Variants in WASF3 observed in about 807,000 individuals in gnomAD.
The protein encoded by WASF3 is actin-binding protein WASF3.
In WASF3, 11 loss-of-function variants were observed where a neutral mutation model predicts 46.6. That is an observed-to-expected ratio of 0.24 (90% CI 0.15 to 0.39). WASF3 has a LOEUF of 0.39. Among genes scored for constraint, WASF3 ranks in the 10% least tolerant of loss-of-function variants. The probability of loss-of-function intolerance (pLI) is 1.00; values close to 1 mark genes in which losing one functional copy is unlikely to be tolerated. For synonymous variants in WASF3, 242 were observed against 259.7 expected (o/e 0.93, Z 0.65); for missense variants, 576 against 669.8 (o/e 0.86, Z 1.55).
At chr13:26,675,874 A>G (rs1883054899) in intron 6 of WASF3, among the ~76,000 whole-genome samples, 1 of 152,162 alleles carries the variant, frequency 6.6e-6, no homozygotes, top group African/African-American at 2.4e-5. Flanking sequence ...CTTAAAGATC[A>G]TAAAATTTTG....
intron 2 of WASF3, among the ~76,000 whole-genome samples, chr13:26,626,965 C>T (rs1414799967): frequency 1.3e-5 from 2 of 152,270 alleles, no homozygotes; most frequent in South Asian, 2.1e-4. Context: ...GTAAAATTCG[C>T]TACCCAGTTT....
Position 26,664,746 on chromosome 13 carries a change from C to T in WASF3, c.134-282C>T, listed in dbSNP as rs139215614. Among the ~76,000 whole-genome samples, 851 of 152,322 alleles carry T rather than the reference C, an allele frequency of 5.6e-3. 13 individuals carry two copies. The highest frequency in any genetic ancestry group is 0.02 in the African/African-American group (813 of 41,574). On this transcript the variant is annotated intron_variant, in intron 3 of 9. Transcript: ENST00000335327. ...GCGTGAAAAATGAGAACTTAAGTTG[C>T]AGTTAGTGGGAAGCAACTTGAGCGA...
intron 1 of WASF3, among the ~76,000 whole-genome samples, chr13:26,581,852 T>G (rs183111432): frequency 6.6e-6 from 1 of 152,352 alleles, no homozygotes; most frequent in African/African-American, 2.4e-5. Flanking sequence ...AGCCTTTGCT[T>G]TGGCATAGAA....
At chr13:26,555,805 T>G (rs1053736880), upstream of WASF3, among the ~76,000 whole-genome samples, 2 of 152,206 alleles carry the variant, frequency 1.3e-5, no homozygotes, top group Non-Finnish European at 2.9e-5. Context: ...TCCTATTTAG[T>G]AGGCACTTTT....
chr13:26,554,033 CTCT>C (rs1227183217), upstream of WASF3, among the ~76,000 whole-genome samples: 3,622 of 80,144 alleles, frequency 0.045, 791 homozygotes, highest in East Asian at 0.079. Context: ...TTCCTTCTTT[CTCT>C]TTCTTTCCTT....
At position 26,610,146 on chromosome 13, in the gene WASF3, A is replaced by G. The variant is rs189214879; in HGVS notation, c.-108-2815A>G. 4.6e-3 allele frequency among the ~76,000 whole-genome samples: 694 copies of G among 152,118 alleles called. 19 individuals carry two copies. Among genetic ancestry groups the G allele is most frequent in the Admixed American group, 0.039 (601 of 15,286 alleles). On this transcript the variant is annotated intron_variant, in intron 1 of 9. Coordinates refer to ENST00000335327, the MANE Select transcript of WASF3 (RefSeq NM_006646.6). ...TGACTCCAGGGGAGTCAGCATCCCC[A>G]TCCCCATCCACTTAATCTTCCGAGA...
At chr13:26,659,663 C>G (rs1279862584) in intron 3 of WASF3, among the ~76,000 whole-genome samples, 2 of 152,026 alleles carry the variant, frequency 1.3e-5, no homozygotes, top group Admixed American at 1.3e-4. Context: ...AGGGTAGGAT[C>G]AGGGCAGGTG....
At chr13:26,675,313 C>A (rs1028909874) in intron 6 of WASF3, among the ~76,000 whole-genome samples, 3 of 151,984 alleles carry the variant, frequency 2.0e-5, no homozygotes, top group African/African-American at 4.8e-5. Context: ...TCTTTTATTT[C>A]TTTGAGTGCA....
chr13:26,542,307 T>A, the WASF3 span, among the ~76,000 whole-genome samples: 1 of 152,280 alleles, frequency 6.6e-6, no homozygotes, highest in South Asian at 2.1e-4. Context: ...TAAACCAATA[T>A]CTGGCCACAA....
intron 2 of WASF3, among the ~76,000 whole-genome samples, chr13:26,623,976 A>G (rs1249517652): frequency 2.6e-5 from 4 of 152,204 alleles, no homozygotes; most frequent in South Asian, 2.1e-4. Context: ...GACTCAATCA[A>G]CCTTAGTAAT....
At chr13:26,558,417 C>T (rs1401012316) in intron 1 of WASF3, among the ~76,000 whole-genome samples, 2 of 147,932 alleles carry the variant, frequency 1.4e-5, no homozygotes, top group African/African-American at 4.9e-5. Context: ...GAGACCAGGC[C>T]GGACTCTTGG....
At position 26,604,612 on chromosome 13, in the gene WASF3, C is replaced by A. The variant is rs73166071; in HGVS notation, c.-108-8349C>A. Among the ~76,000 whole-genome samples the A allele has an allele frequency of 5.6e-3, 848 of 152,214 alleles. 4 individuals are homozygous for A. The highest frequency in any genetic ancestry group is 0.014 in the Middle Eastern group (4 of 294). On this transcript the variant is annotated intron_variant, in intron 1 of 9. Transcript: ENST00000335327. Reference sequence around the variant, plus strand: ...CTGAACTATAAAAAAAAGAAGGAGTCCATTTAGTAGCAAAATTACACGATG... The same window carrying A: ...CTGAACTATAAAAAAAAGAAGGAGTACATTTAGTAGCAAAATTACACGATG...
At chr13:26,569,682 C>G (rs1879575388) in intron 1 of WASF3, among the ~76,000 whole-genome samples, 4 of 151,960 alleles carry the variant, frequency 2.6e-5, no homozygotes, top group Admixed American at 2.6e-4. Context: ...ATACTAAACC[C>G]AGAGGAAGTA....
chr13:26,628,834 T>G (rs1881560302), intron 2 of WASF3, among the ~76,000 whole-genome samples: 1 of 152,220 alleles, frequency 6.6e-6, no homozygotes, highest in South Asian at 2.1e-4. Flanking sequence ...GATCATTAAG[T>G]AGGGCTTTTC....
intron 3 of WASF3, among the ~76,000 whole-genome samples, chr13:26,656,467 CATT>C (rs1043231584): frequency 2.0e-5 from 3 of 152,028 alleles, no homozygotes; most frequent in African/African-American, 7.2e-5. Flanking sequence ...AAAAATAATT[CATT>C]ATTCAAAAAA....
intron 9 of WASF3, 42 bp downstream of exon 9, chr13:26,683,016 A>AGGTTTCT: frequency 6.4e-7 from 1 of 1,568,490 alleles, no homozygotes; most frequent in South Asian, 1.2e-5. Context: ...TTTCAGCAAG[A>AGGTTTCT]GGTTTCTTCA....
rs574095902 is a variant in WASF3, at chr13:26,672,885, G to T, written c.540+896G>T. 4.6e-5 allele frequency among the ~76,000 whole-genome samples: 7 copies of T among 152,158 alleles called. No homozygotes were observed. The South Asian group carries it at 6.2e-4, about 14-fold the overall frequency. Reference sequence around the variant, plus strand: ...AGGGAAGAGAACATGAGAACAGTTTGCAGACTGTGCTGTTGTAAGACACCA... The same window carrying T: ...AGGGAAGAGAACATGAGAACAGTTTTCAGACTGTGCTGTTGTAAGACACCA... On this transcript the variant is annotated intron_variant, in intron 6 of 9. Transcript: ENST00000335327.
chr13:26,583,851 C>T (rs1013121459), intron 1 of WASF3, among the ~76,000 whole-genome samples: 1 of 152,206 alleles, frequency 6.6e-6, no homozygotes, highest in Non-Finnish European at 1.5e-5. Flanking sequence ...TAACAGGAGT[C>T]AGAAGTGTGG....
At chr13:26,676,508 C>A (rs1259280749) in intron 6 of WASF3, 41 bp from the exon 7 acceptor site, 2 of 1,597,562 alleles carry the variant, frequency 1.3e-6, no homozygotes, top group East Asian at 2.2e-5. Context: ...TTTCCTTTCC[C>A]TTCTGTCTTG....
Sources: gnomAD v4.1 joint callset for allele counts (sites outside exome capture counted in the v4.1 genomes callset) on GRCh38, gnomAD v4.1.1 for gene constraint, MANE v1.5 for transcripts, NCBI Gene and HGNC (gene_info 2026-07-23, HGNC 2026-07-21) for gene names.